Variants in ZNF462 observed in about 807,000 individuals in gnomAD.
ZNF462 encodes zinc finger PBX1-interacting protein.
Under a neutral mutation model 201.9 loss-of-function variants are expected in ZNF462, and 10 were observed. The ratio of observed to expected loss-of-function variants is 0.05; its 90% CI spans 0.03 to 0.08. ZNF462 has a LOEUF of 0.08. Ranked by LOEUF, ZNF462 falls within the 10% of genes least tolerant of loss-of-function variation. ZNF462 has a pLI of 1.00. For synonymous variants in ZNF462, 1,227 were observed against 1,193.3 expected (o/e 1.03, Z -0.58); for missense variants, 2,523 against 3,168.3 (o/e 0.80, Z 4.89).
In ZNF462 at chr9:106,919,569, A is replaced by G. The variant is rs1037676857; in HGVS notation, c.-30-3785A>G. 2.0e-5 allele frequency among the ~76,000 whole-genome samples: 3 copies of G among 152,246 alleles called. No homozygotes were observed. The highest frequency in any genetic ancestry group is 4.8e-5 in the African/African-American group (2 of 41,468). ...TCTTTATATCTTAAAGAGTTTGTCAAACATAAACAATTGGATTGTGGGTTT... is the reference window on the plus strand; with the variant it reads ...TCTTTATATCTTAAAGAGTTTGTCAGACATAAACAATTGGATTGTGGGTTT... On this transcript the variant is annotated intron_variant, in intron 1 of 12. Transcript: ENST00000277225. The surrounding 1 kb of genome is among the most constrained non-coding windows in gnomAD (Gnocchi z 4.5).
chr9:106,869,263 A>T (rs1322201159), intron 1 of ZNF462, among the ~76,000 whole-genome samples: 1 of 152,200 alleles, frequency 6.6e-6, no homozygotes, highest in African/African-American at 2.4e-5. Flanking sequence ...GTGGTTTTCC[A>T]ATGTTCTTAC....
At chr9:106,907,675 T>C (rs1478877274) in intron 1 of ZNF462, among the ~76,000 whole-genome samples, 1 of 152,046 alleles carries the variant, frequency 6.6e-6, no homozygotes, top group Non-Finnish European at 1.5e-5. Context: ...TTTTAAAAAA[T>C]AAAAGTTACT....
chr9:106,975,213 C>T (rs1382199692), intron 9 of ZNF462: 4 of 152,230 alleles, frequency 2.6e-5, no homozygotes, highest in Non-Finnish European at 5.9e-5. Context: ...TTCTCTCCAT[C>T]CCTTCTTTTC....
rs992622894 is a variant in ZNF462 at position 106,920,294 on chromosome 9, C to T, written c.-30-3060C>T. Among the ~76,000 whole-genome samples, 20 of 152,176 alleles carry T rather than the reference C, an allele frequency of 1.3e-4. No individual in the cohort carries two copies. The highest frequency in any genetic ancestry group is 1.2e-3 in the Admixed American group (19 of 15,274). On this transcript the variant is annotated intron_variant, in intron 1 of 12. Transcript: ENST00000277225. This position sits in a 1 kb window ranked among gnomAD's most constrained non-coding sequence, Gnocchi z 4.3. ...CTTGCTGTCACTTTTTGCACATGTGCCCATGTACCATCTCATAAACATATC... is the reference window on the plus strand; with the variant it reads ...CTTGCTGTCACTTTTTGCACATGTGTCCATGTACCATCTCATAAACATATC...
In ZNF462 at chr9:106,972,377, C is replaced by A. The variant is rs1353294710; in HGVS notation, c.6695+105C>A. The A allele has an allele frequency of 7.5e-6, 11 of 1,474,138 alleles. No homozygotes were observed. The South Asian group carries it at 1.5e-4, about 20-fold the overall frequency. 91.3% of individuals were successfully genotyped at this position (1,474,138 alleles called of 1,614,324 possible). A position where few individuals can be genotyped will look rare whatever the true frequency, so the allele number is the denominator to read the frequency against. ...TTCCTACTTGGAGCTTATGGGAGGCCCTGCCCATGTGATGATGTAGGGGTT... is the reference window on the plus strand; with the variant it reads ...TTCCTACTTGGAGCTTATGGGAGGCACTGCCCATGTGATGATGTAGGGGTT... On this transcript the variant is annotated intron_variant, in intron 8 of 12. Coordinates refer to ENST00000277225, the MANE Select transcript of ZNF462 (RefSeq NM_021224.6). The surrounding 1 kb of genome is among the most constrained non-coding windows in gnomAD (Gnocchi z 4.8).
rs752141501 is a variant in ZNF462, at chr9:106,972,095, C to T, written c.6518C>T (p.Pro2173Leu). The stretch of plus-strand genomic sequence containing the variant: ...GCAAGGAACAACAGCCGTGTTAGCC[C>T]TGTGCCTCTTTCTGGGGCTGCTGCT... Reference protein sequence around the residue: ...ALARNNSRVSPVPLSGAAAGT... With the variant: ...ALARNNSRVSLVPLSGAAAGT... The change falls in exon 8 of 13, where the codon CCT becomes CTT. Residue 2173 changes from proline (P) to leucine (L), a missense_variant. Physicochemically the swap from Pro to Leu is moderately conservative, Grantham distance 98. Transcript: ENST00000277225. This position sits in a 1 kb window ranked among gnomAD's most constrained non-coding sequence, Gnocchi z 4.8. The T allele has an allele frequency of 5.6e-6, 9 of 1,614,188 alleles. No individual in the cohort carries two copies. Among genetic ancestry groups the T allele is most frequent in the Non-Finnish European group, 7.6e-6 (9 of 1,180,022 alleles).
At chr9:106,918,559 A>G (rs1021222292) in intron 1 of ZNF462, among the ~76,000 whole-genome samples, 2 of 152,228 alleles carry the variant, frequency 1.3e-5, no homozygotes, top group African/African-American at 4.8e-5. Context: ...TAGTAGTGAT[A>G]GAGAACTTCC....
rs137905921 is a variant in ZNF462 at position 106,926,501 on chromosome 9, A to G, written c.2589A>G (p.Gln863=). 4 of 1,614,064 alleles carry G rather than the reference A, an allele frequency of 2.5e-6. No individual in the cohort carries two copies. The highest frequency in any genetic ancestry group is 3.4e-6 in the Non-Finnish European group (4 of 1,180,048). The change falls in exon 3 of 13, where the codon CAA becomes CAG. Residue 863 remains glutamine, a synonymous_variant. Transcript: ENST00000277225. This position sits in a 1 kb window ranked among gnomAD's most constrained non-coding sequence, Gnocchi z 7.9. ...KSARSVSTHY[Q]RMHPYIKFSF... is the part of the protein sequence containing the mutation. Reference sequence around the variant, plus strand: ...CCCGGAGTGTTAGCACCCACTACCAACGAATGCACCCATACATTAAATTCA... The same window carrying G: ...CCCGGAGTGTTAGCACCCACTACCAGCGAATGCACCCATACATTAAATTCA...
chr9:107,002,429 G>A lies in ZNF462; in HGVS notation c.7057-865G>A, dbSNP rs79134928. Among the ~76,000 whole-genome samples, 26 of 152,288 alleles carry A rather than the reference G, an allele frequency of 1.7e-4. No individual in the cohort carries two copies. In the East Asian group the frequency reaches 4.3e-3, roughly 25 times the overall value. ...AGCTTGTCATGCCTGAACATTCTAT[G>A]CATGCAACTGGAGAGGTTCTGAAAA... On this transcript the variant is annotated intron_variant, in intron 10 of 12. Coordinates refer to ENST00000277225, the MANE Select transcript of ZNF462 (RefSeq NM_021224.6).
At chr9:106,986,755 T>C in intron 10 of ZNF462, among the ~76,000 whole-genome samples, 1 of 152,128 alleles carries the variant, frequency 6.6e-6, no homozygotes. Flanking sequence ...TAGTCTTTTA[T>C]CCCTTGCCCC....
rs1827271234 is a variant in ZNF462, at chr9:106,865,046, C to A, written c.-31+1691C>A. On this transcript the variant is annotated intron_variant, in intron 1 of 12. Transcript: ENST00000277225. The surrounding 1 kb of genome is among the most constrained non-coding windows in gnomAD (Gnocchi z 4.1). ...GAGGAGGAGGCTTGCTTGCCTACTC[C>A]TTCTCTCTTTCCAGAGGGAAACCTT... Among the ~76,000 whole-genome samples, 1 of 152,136 alleles carries A rather than the reference C, an allele frequency of 6.6e-6. No homozygotes were observed. The highest frequency in any genetic ancestry group is 1.5e-5 in the Non-Finnish European group (1 of 68,026).
intron 7 of ZNF462, 54 bp downstream of exon 7, chr9:106,939,161 G>T (rs1830758043): frequency 1.5e-5 from 22 of 1,428,448 alleles, no homozygotes; most frequent in Non-Finnish European, 2.0e-5. Flanking sequence ...GGTGGGCTGG[G>T]ATTCATTGCC....
At chr9:106,986,427 T>G (rs1827836005) in intron 10 of ZNF462, among the ~76,000 whole-genome samples, 1 of 152,194 alleles carries the variant, frequency 6.6e-6, no homozygotes, top group South Asian at 2.1e-4. Flanking sequence ...TCAGAAGTTT[T>G]GTAAGATTAA....
At chr9:106,900,147 C>T (rs922709516) in intron 1 of ZNF462, among the ~76,000 whole-genome samples, 1 of 151,348 alleles carries the variant, frequency 6.6e-6, no homozygotes, top group African/African-American at 2.4e-5. Flanking sequence ...CAGTCTTATC[C>T]AGGTCACTGC....
Position 106,929,407 on chromosome 9 carries a change from C to T in ZNF462, c.5495C>T (p.Ala1832Val), listed in dbSNP as rs529275873. The T allele has an allele frequency of 6.2e-6, 10 of 1,613,992 alleles. No individual in the cohort carries two copies. The South Asian group carries it at 7.7e-5, about 12-fold the overall frequency. Residue 1832 changes from alanine to valine, a missense_variant, in exon 3 of 13, where the codon GCC becomes GTC. Ala to Val is a moderately conservative substitution (Grantham distance 64). This residue lies in a region of ZNF462 where 207 missense variants were observed against 231.6 expected (regional missense o/e 0.89). Coordinates refer to ENST00000277225, the MANE Select transcript of ZNF462 (RefSeq NM_021224.6). This position sits in a 1 kb window ranked among gnomAD's most constrained non-coding sequence, Gnocchi z 8.7. ...GAGGAGAGAGGCAACTTTGAGAAAG[C>T]CGAGGTGGAGGGTGAAGCTCAGGAA... Reference protein sequence around the residue: ...EEEERGNFEKAEVEGEAQEIE... With the variant: ...EEEERGNFEKVEVEGEAQEIE...
intron 7 of ZNF462, among the ~76,000 whole-genome samples, chr9:106,942,421 G>A (rs952057512): frequency 1.3e-5 from 2 of 152,106 alleles, no homozygotes; most frequent in Middle Eastern, 3.4e-3. Context: ...AGCTGTCAGT[G>A]TTGACATGTT....
intron 1 of ZNF462, among the ~76,000 whole-genome samples, chr9:106,896,785 G>C (rs1828831460): frequency 6.6e-6 from 1 of 152,198 alleles, no homozygotes; most frequent in Non-Finnish European, 1.5e-5. Flanking sequence ...TGAAGTTTAT[G>C]AAGACAGATC....
chr9:106,874,420 T>G (rs1827735078), intron 1 of ZNF462, among the ~76,000 whole-genome samples: 1 of 152,206 alleles, frequency 6.6e-6, no homozygotes, highest in African/African-American at 2.4e-5. Context: ...CAAGGTGAAC[T>G]GGGTCAACAT....
rs1830380281 is a variant in ZNF462 at position 106,930,464 on chromosome 9, A to G, written c.5848-61A>G. 1 of 1,592,266 alleles carries G rather than the reference A, an allele frequency of 6.3e-7. No individual in the cohort carries two copies. The highest frequency in any genetic ancestry group is 2.2e-5 in the East Asian group (1 of 44,480). On this transcript the variant is annotated intron_variant, in intron 3 of 12. Coordinates refer to ENST00000277225, the MANE Select transcript of ZNF462 (RefSeq NM_021224.6). The surrounding 1 kb of genome is among the most constrained non-coding windows in gnomAD (Gnocchi z 5.8). Reference sequence around the variant, plus strand: ...TAAAGTATGTTAGTAAACTGCAAGAATAAATTCTGACAATTGAGGGAGGGC... The same window carrying G: ...TAAAGTATGTTAGTAAACTGCAAGAGTAAATTCTGACAATTGAGGGAGGGC...
Sources: gnomAD v4.1 joint callset for allele counts (sites outside exome capture counted in the v4.1 genomes callset) on GRCh38, gnomAD v4.1.1 for gene constraint, gnomAD v4.1.1 regional missense constraint, Gnocchi (gnomAD v3.1) non-coding constraint, MANE v1.5 for transcripts, NCBI Gene and HGNC (gene_info 2026-07-23, HGNC 2026-07-21) for gene names.